Variants in DLGAP1 observed in about 807,000 individuals in gnomAD.
DLGAP1 encodes DLG associated protein 1.
In DLGAP1, 11 loss-of-function variants were observed where a neutral mutation model predicts 90.8. That is an observed-to-expected ratio of 0.12 (90% CI 0.08 to 0.20). DLGAP1 has a LOEUF of 0.20. Among genes scored for constraint, DLGAP1 ranks in the 10% least tolerant of loss-of-function variants. DLGAP1 has a pLI of 1.00. For synonymous variants in DLGAP1, 558 were observed against 540.7 expected, an observed-to-expected ratio of 1.03 and a Z score of -0.44; for missense variants, 1,050 against 1,333.8, an observed-to-expected ratio of 0.79 and a Z score of 3.31.
chr18:3,768,923 G>C (rs759042073), intron 5 of DLGAP1, among the ~76,000 whole-genome samples: 12 of 152,056 alleles, frequency 7.9e-5, no homozygotes, highest in Non-Finnish European at 2.9e-5. Flanking sequence ...TGATAAATTG[G>C]ATTTAATCAG....
At chr18:4,203,567 G>A (rs930728908) in intron 1 of DLGAP1, among the ~76,000 whole-genome samples, 1 of 152,082 alleles carries the variant, frequency 6.6e-6, no homozygotes, top group Non-Finnish European at 1.5e-5. Context: ...TTAAAACGTA[G>A]GGGCATTTAA....
intron 5 of DLGAP1, among the ~76,000 whole-genome samples, chr18:3,797,814 T>A (rs2066077244): frequency 6.6e-6 from 1 of 152,124 alleles, no homozygotes; most frequent in South Asian, 2.1e-4. Flanking sequence ...TTTTGCTGTG[T>A]CCCCACCCAA....
At chr18:4,034,589 G>C (rs977639267) in intron 2 of DLGAP1, among the ~76,000 whole-genome samples, 3 of 152,022 alleles carry the variant, frequency 2.0e-5, no homozygotes, top group Non-Finnish European at 4.4e-5. Context: ...TCCTCAGTAG[G>C]AAGTTGGAAT....
At chr18:3,901,177 T>C (rs1405722620) in intron 3 of DLGAP1, among the ~76,000 whole-genome samples, 1 of 152,138 alleles carries the variant, frequency 6.6e-6, no homozygotes, top group Non-Finnish European at 1.5e-5. Context: ...CTTTACGACT[T>C]TGAGGATGGT....
chr18:4,357,616 G>A (rs749224169), intron 1 of DLGAP1, among the ~76,000 whole-genome samples: 37 of 152,206 alleles, frequency 2.4e-4, no homozygotes, highest in Admixed American at 5.2e-4. Context: ...TAAGAGAAGA[G>A]TTGGTGTAGC....
At chr18:3,646,116 C>G (rs1041295724) in intron 7 of DLGAP1, among the ~76,000 whole-genome samples, 2 of 152,044 alleles carry the variant, frequency 1.3e-5, no homozygotes, top group Non-Finnish European at 2.9e-5. Flanking sequence ...AAAAAGGAGG[C>G]CAGGTGTGGT....
chr18:4,082,736 G>A (rs1317722305), intron 2 of DLGAP1, among the ~76,000 whole-genome samples: 2 of 100,070 alleles, frequency 2.0e-5, no homozygotes, highest in Non-Finnish European at 4.6e-5. Context: ...GAAACTGAGG[G>A]ACTGACAGGT....
At chr18:3,956,435 G>A (rs767103526) in intron 3 of DLGAP1, among the ~76,000 whole-genome samples, 18 of 150,610 alleles carry the variant, frequency 1.2e-4, no homozygotes, top group African/African-American at 2.2e-4. Flanking sequence ...TGCAAGCTCC[G>A]CCTCCCGGGT....
At chr18:4,018,973 ATAAT>A (rs1253128981) in intron 2 of DLGAP1, among the ~76,000 whole-genome samples, 1 of 152,364 alleles carries the variant, frequency 6.6e-6, no homozygotes, top group African/African-American at 2.4e-5. Context: ...TAAAAAGGAA[ATAAT>A]TAGTCTGTGT....
intron 8 of DLGAP1, 142 bp downstream of exon 8, chr18:3,581,733 C>T: frequency 5.0e-6 from 5 of 1,003,524 alleles, no homozygotes; most frequent in East Asian, 4.8e-5. Context: ...ACGGAGTCCA[C>T]AGCCAATCAC....
intron 10 of DLGAP1, among the ~76,000 whole-genome samples, chr18:3,530,548 G>A (rs2051924334): frequency 6.6e-6 from 1 of 152,212 alleles, no homozygotes; most frequent in Non-Finnish European, 1.5e-5. Context: ...GGCACGGGAT[G>A]TCATTGTTCC....
intron 1 of DLGAP1, among the ~76,000 whole-genome samples, chr18:4,445,008 G>A (rs997405108): frequency 6.6e-6 from 1 of 152,194 alleles, no homozygotes; most frequent in Non-Finnish European, 1.5e-5. Flanking sequence ...GAACACAGAA[G>A]CAACTACTAG....
chr18:4,142,347 T>G (rs2076508383), intron 2 of DLGAP1, among the ~76,000 whole-genome samples: 1 of 152,180 alleles, frequency 6.6e-6, no homozygotes, highest in Non-Finnish European at 1.5e-5. Context: ...GAAATAACTC[T>G]TCTATTGTGA....
chr18:3,594,350 C>G (rs1415775401), intron 7 of DLGAP1: 1 of 144,970 alleles, frequency 6.9e-6, no homozygotes, highest in East Asian at 2.1e-4. Context: ...ACCCCCCTCC[C>G]TCCCTCCCTC....
At chr18:4,058,210 A>C (rs1016644788) in intron 2 of DLGAP1, among the ~76,000 whole-genome samples, 9 of 151,782 alleles carry the variant, frequency 5.9e-5, no homozygotes, top group Admixed American at 5.3e-4. Context: ...CACACCTGCC[A>C]GACAGTCCAC....
intron 5 of DLGAP1, among the ~76,000 whole-genome samples, chr18:3,800,475 A>G (rs922178466): frequency 3.3e-5 from 5 of 152,250 alleles, no homozygotes; most frequent in African/African-American, 4.8e-5. Flanking sequence ...TGGTTAACCC[A>G]CAAGCATTTA....
chr18:3,582,376 C>G lies in DLGAP1; in HGVS notation c.1592-128G>C, dbSNP rs900409244. On this transcript the variant is annotated intron_variant, in intron 7 of 12. Transcript: ENST00000315677. The stretch of plus-strand genomic sequence containing the variant: ...GAGACATTTAACAGGAAAACAAGTT[C>G]CATTGACAGGCTGAGACCCCTGCTC... The G allele has an allele frequency of 3.5e-6, 5 of 1,417,636 alleles. No individual in the cohort carries two copies. In the African/African-American group the frequency reaches 7.2e-5, roughly 20 times the overall value. 87.8% of individuals were successfully genotyped at this position (1,417,636 alleles called of 1,614,324 possible). A position where few individuals can be genotyped will look rare whatever the true frequency, so the allele number is the denominator to read the frequency against.
At chr18:4,388,398 G>C (rs532299389) in intron 1 of DLGAP1, among the ~76,000 whole-genome samples, 2 of 152,234 alleles carry the variant, frequency 1.3e-5, no homozygotes, top group Admixed American at 1.3e-4. Context: ...TGGATATGCA[G>C]CTTGGAACGC....
chr18:3,863,210 G>A (rs112642649), intron 4 of DLGAP1, among the ~76,000 whole-genome samples: 2,224 of 152,216 alleles, frequency 0.015, 70 homozygotes, highest in Admixed American at 0.067. Context: ...TGTGGCTAGT[G>A]GCTACCACGT....
Sources: gnomAD v4.1 joint callset for allele counts (sites outside exome capture counted in the v4.1 genomes callset) on GRCh38, gnomAD v4.1.1 for gene constraint, MANE v1.5 for transcripts, NCBI Gene and HGNC (gene_info 2026-07-23, HGNC 2026-07-21) for gene names.